MACROD2: variants seen among roughly 807,000 people sequenced by gnomAD.
The protein encoded by MACROD2 is mono-ADP ribosylhydrolase 2, also known as ADP-ribose glycohydrolase MACROD2.
A neutral mutation model predicts 70.4 loss-of-function variants in MACROD2; 36 were observed. That is an observed-to-expected ratio of 0.51 (90% CI 0.39 to 0.68). The LOEUF (loss-of-function observed/expected upper bound fraction) is 0.68. MACROD2 is among the 30% of genes least tolerant of loss of function. The probability of loss-of-function intolerance (pLI) is 0.00; values close to 1 mark genes in which losing one functional copy is unlikely to be tolerated. For synonymous variants in MACROD2, 172 were observed against 178.8 expected (o/e 0.96, Z 0.30); for missense variants, 496 against 538.4 (o/e 0.92, Z 0.78).
chr20:14,612,692 A>G (rs1983240343), intron 4 of MACROD2, among the ~76,000 whole-genome samples: 1 of 152,084 alleles, frequency 6.6e-6, no homozygotes, highest in South Asian at 2.1e-4. Context: ...ATATGCTATG[A>G]GGTCGGACCT....
rs575910236 is a variant in MACROD2, at chr20:15,970,402, G to A, written c.985+2772G>A. 1.1e-4 allele frequency among the ~76,000 whole-genome samples: 16 copies of A among 152,222 alleles called. No individual in the cohort carries two copies. The East Asian group carries it at 3.1e-3, about 29-fold the overall frequency. On this transcript the variant is annotated intron_variant, in intron 13 of 17. Transcript: ENST00000684519. Reference sequence around the variant, plus strand: ...ATATACCACAATAATGGCATTTATTGGAATGAGGTAAATTAATTTTAAGTG... The same window carrying A: ...ATATACCACAATAATGGCATTTATTAGAATGAGGTAAATTAATTTTAAGTG...
At chr20:15,441,265 C>T (rs549677401) in intron 7 of MACROD2, among the ~76,000 whole-genome samples, 20 of 152,254 alleles carry the variant, frequency 1.3e-4, no homozygotes, top group South Asian at 1.2e-3. Context: ...ACCCTACCCA[C>T]GTCTTTAATA....
chr20:15,931,670 T>C (rs1426562729), intron 10 of MACROD2, among the ~76,000 whole-genome samples: 1 of 152,050 alleles, frequency 6.6e-6, no homozygotes, highest in Non-Finnish European at 1.5e-5. Flanking sequence ...GTAGTTATAT[T>C]GTGTCCACCG....
chr20:15,019,146 C>G (rs183321543), intron 5 of MACROD2, among the ~76,000 whole-genome samples: 1 of 152,106 alleles, frequency 6.6e-6, no homozygotes, highest in African/African-American at 2.4e-5. Flanking sequence ...TTCCCTTCTT[C>G]CTCTGAACAC....
chr20:14,121,697 G>C (rs1290516181), intron 3 of MACROD2, among the ~76,000 whole-genome samples: 1 of 152,048 alleles, frequency 6.6e-6, no homozygotes, highest in Admixed American at 6.5e-5. Context: ...TTTTTGGTTT[G>C]TTGGTTTGAA....
intron 5 of MACROD2, among the ~76,000 whole-genome samples, chr20:14,870,906 A>C (rs1465490070): frequency 1.3e-5 from 2 of 152,098 alleles, no homozygotes; most frequent in Admixed American, 1.3e-4. Context: ...TTGTCTGTTC[A>C]CTTTGTTGAT....
At chr20:14,185,819 A>T (rs904698664) in intron 3 of MACROD2, among the ~76,000 whole-genome samples, 1 of 152,186 alleles carries the variant, frequency 6.6e-6, no homozygotes, top group African/African-American at 2.4e-5. Context: ...CAGGGCTTTT[A>T]TGAAGATTAA....
At chr20:15,377,179 C>T (rs1332360479) in intron 6 of MACROD2, among the ~76,000 whole-genome samples, 1 of 152,110 alleles carries the variant, frequency 6.6e-6, no homozygotes, top group Non-Finnish European at 1.5e-5. Flanking sequence ...CATAAGCCAC[C>T]ACGTCAGGCC....
chr20:15,050,239 G>T lies in MACROD2; in HGVS notation c.419-179701G>T, dbSNP rs544904854. Among the ~76,000 whole-genome samples the T allele has an allele frequency of 3.3e-5, 5 of 152,100 alleles. No individual in the cohort carries two copies. The East Asian group carries it at 9.6e-4, about 29-fold the overall frequency. On this transcript the variant is annotated intron_variant, in intron 5 of 17. Transcript: ENST00000684519. ...ATATCAGAAATCAAAGTGGAATTAT[G>T]CATGTTAATATGGTTGTAATTTGAC...
intron 4 of MACROD2, among the ~76,000 whole-genome samples, chr20:14,544,540 T>C (rs1337651313): frequency 1.3e-5 from 2 of 152,154 alleles, no homozygotes. Flanking sequence ...ACCCAGTAAG[T>C]AGTGAGCACT....
chr20:14,439,621 C>T (rs1437696794), intron 3 of MACROD2, among the ~76,000 whole-genome samples: 1 of 152,056 alleles, frequency 6.6e-6, no homozygotes, highest in Non-Finnish European at 1.5e-5. Flanking sequence ...CTACTTATAG[C>T]TGTACAACTT....
At chr20:15,082,405 A>T (rs1357103988) in intron 5 of MACROD2, among the ~76,000 whole-genome samples, 2 of 151,900 alleles carry the variant, frequency 1.3e-5, no homozygotes, top group African/African-American at 4.8e-5. Context: ...TATAGAATGG[A>T]TTGTGGCCAT....
At chr20:15,392,405 G>T (rs889805648) in intron 6 of MACROD2, among the ~76,000 whole-genome samples, 1 of 152,098 alleles carries the variant, frequency 6.6e-6, no homozygotes, top group African/African-American at 2.4e-5. Context: ...CATATTTAAT[G>T]TGATTTATTA....
chr20:15,685,676 C>A (rs80158049), intron 8 of MACROD2, among the ~76,000 whole-genome samples: 3,207 of 148,086 alleles, frequency 0.022, 39 homozygotes, highest in Non-Finnish European at 0.035. Flanking sequence ...TCCAGGCTTT[C>A]ACCTGGAACT....
At chr20:14,506,908 G>A (rs530553693) in intron 4 of MACROD2, among the ~76,000 whole-genome samples, 1 of 152,192 alleles carries the variant, frequency 6.6e-6, no homozygotes, top group African/African-American at 2.4e-5. Flanking sequence ...CTGAGATCAC[G>A]CCACGGCACT....
chr20:15,573,743 C>T (rs1407509899), intron 8 of MACROD2, among the ~76,000 whole-genome samples: 6 of 152,088 alleles, frequency 3.9e-5, no homozygotes, highest in Non-Finnish European at 7.4e-5. Context: ...TCCCTATTTT[C>T]CTGATACTCT....
chr20:15,422,826 G>A (rs553540463), intron 6 of MACROD2, among the ~76,000 whole-genome samples: 191 of 152,282 alleles, frequency 1.3e-3, no homozygotes, highest in Admixed American at 2.2e-3. Context: ...TCCTTTTATA[G>A]ATGGGGATAG....
Position 15,885,746 on chromosome 20 carries a change from T to C in MACROD2, c.728-18T>C. On this transcript the variant is annotated intron_variant, in intron 9 of 17. Coordinates refer to ENST00000684519, the MANE Select transcript of MACROD2 (RefSeq NM_001351661.2). Reference sequence around the variant, plus strand: ...CTTTCATATAAGTATTTCTTTATGTTTTCCTATTTTTTAACAGACGATAAT... The same window carrying C: ...CTTTCATATAAGTATTTCTTTATGTCTTCCTATTTTTTAACAGACGATAAT... The C allele has an allele frequency of 6.8e-7, 1 of 1,473,150 alleles. No homozygotes were observed. Among genetic ancestry groups the C allele is most frequent in the Non-Finnish European group, 9.0e-7 (1 of 1,108,668 alleles). 91.3% of individuals were successfully genotyped at this position (1,473,150 alleles called of 1,614,324 possible). A position where few individuals can be genotyped will look rare whatever the true frequency, so the allele number is the denominator to read the frequency against.
chr20:14,231,392 G>A (rs1292874199), intron 3 of MACROD2, among the ~76,000 whole-genome samples: 5 of 151,890 alleles, frequency 3.3e-5, no homozygotes, highest in African/African-American at 1.2e-4. Context: ...TGCGGTGTTT[G>A]GTTTTTTTGT....
Sources: gnomAD v4.1 joint callset for allele counts (sites outside exome capture counted in the v4.1 genomes callset) on GRCh38, gnomAD v4.1.1 for gene constraint, MANE v1.5 for transcripts, NCBI Gene and HGNC (gene_info 2026-07-23, HGNC 2026-07-21) for gene names.